RNF146: variants seen among roughly 807,000 people sequenced by gnomAD.
RNF146 encodes E3 ubiquitin-protein ligase RNF146.
Under a neutral mutation model 29.7 loss-of-function variants are expected in RNF146, and 11 were observed. The observed-to-expected ratio is 0.37, with a 90% confidence interval of 0.23 to 0.61. The LOEUF (loss-of-function observed/expected upper bound fraction) is 0.61, where lower values mean the gene tolerates loss of function less well. Among genes scored for constraint, RNF146 ranks in the 20% least tolerant of loss-of-function variants. The pLI is 0.66. For synonymous variants in RNF146, 150 were observed against 159.7 expected (o/e 0.94, Z 0.46); for missense variants, 342 against 438.9 (o/e 0.78, Z 1.97).
chr6:127,269,155 A>G (rs188226043), intron 1 of RNF146, among the ~76,000 whole-genome samples: 2 of 152,320 alleles, frequency 1.3e-5, no homozygotes, highest in African/African-American at 4.8e-5. Context: ...CTTGGCTACA[A>G]CCACCTGTGC....
At chr6:127,284,934 G>A (rs1562290140) in intron 2 of RNF146, among the ~76,000 whole-genome samples, 1 of 151,640 alleles carries the variant, frequency 6.6e-6, no homozygotes, top group Non-Finnish European at 1.5e-5. Flanking sequence ...TGTGGCCCAA[G>A]ACAATTCTTT....
At chr6:127,278,846 A>G (rs889395985) in intron 1 of RNF146, among the ~76,000 whole-genome samples, 1 of 150,838 alleles carries the variant, frequency 6.6e-6, no homozygotes, top group African/African-American at 2.5e-5. Flanking sequence ...TAGCCTCCTT[A>G]TAGATGTATC....
At chr6:127,270,554 A>T (rs377071277) in intron 1 of RNF146, among the ~76,000 whole-genome samples, 1 of 152,226 alleles carries the variant, frequency 6.6e-6, no homozygotes, top group Non-Finnish European at 1.5e-5. Flanking sequence ...GTTTCAAATA[A>T]TGTGGGAGTT....
chr6:127,269,858 CTG>C (rs753229807), intron 1 of RNF146, among the ~76,000 whole-genome samples: 3 of 152,152 alleles, frequency 2.0e-5, no homozygotes, highest in South Asian at 2.1e-4. Flanking sequence ...CTTTCTGTCA[CTG>C]AGTGATTTCA....
rs141946733 is a variant in RNF146, at chr6:127,287,387, T to C, written c.774T>C (p.Ala258=). 13 of 1,613,284 alleles carry C rather than the reference T, an allele frequency of 8.1e-6. No individual in the cohort carries two copies. Among genetic ancestry groups the C allele is most frequent in the Non-Finnish European group, 1.0e-5 (12 of 1,179,640 alleles). The change falls in exon 3 of 3, where the codon GCT becomes GCC. Residue 258 remains alanine (A), a synonymous_variant. Transcript: ENST00000368314. ...AHLQLSGDNT[A]ERSHRGEGEE... is the part of the protein sequence containing the mutation. The stretch of plus-strand genomic sequence containing the variant: ...TACAACTCAGTGGAGACAACACAGC[T>C]GAAAGGAGTCATAGGGGAGAAGGAG...
At chr6:127,281,578 G>A (rs1167863529) in intron 2 of RNF146, among the ~76,000 whole-genome samples, 1 of 151,688 alleles carries the variant, frequency 6.6e-6, no homozygotes, top group Non-Finnish European at 1.5e-5. Flanking sequence ...CAAGCCAAGG[G>A]AATGAGGAGG....
chr6:127,287,289 G>A lies in RNF146; in HGVS notation c.676G>A (p.Asp226Asn), dbSNP rs1164525127. Residue 226 changes from aspartate to asparagine, a missense_variant, in exon 3 of 3, where the codon GAT becomes AAT. Asp to Asn is a conservative substitution (Grantham distance 23). Transcript: ENST00000368314. ...TTCTGTAAGGCCCCTAACATCAGTAGATGGTCAGTTAACAAGCCCTGCAAC... is the reference window on the plus strand; with the variant it reads ...TTCTGTAAGGCCCCTAACATCAGTAAATGGTCAGTTAACAAGCCCTGCAAC... ...VSSVRPLTSV[D>N]GQLTSPATPS... 2 of 1,613,420 alleles carry A rather than the reference G, an allele frequency of 1.2e-6. No homozygotes were observed. Among genetic ancestry groups the A allele is most frequent in the Non-Finnish European group, 1.7e-6 (2 of 1,179,646 alleles).
At chr6:127,277,490 GA>G (rs1778371022) in intron 1 of RNF146, among the ~76,000 whole-genome samples, 2 of 152,066 alleles carry the variant, frequency 1.3e-5, no homozygotes, top group East Asian at 3.9e-4. Flanking sequence ...AGAACTAATA[GA>G]ATATATATAT....
chr6:127,278,153 G>A (rs918540371), intron 1 of RNF146, among the ~76,000 whole-genome samples: 9 of 152,022 alleles, frequency 5.9e-5, no homozygotes, highest in African/African-American at 2.2e-4. Flanking sequence ...GTAATATGAT[G>A]TGCGTCCTGT....
chr6:127,288,259 A>G lies in RNF146; in HGVS notation c.*566A>G, dbSNP rs1278755992. ...TTGTAACACACTTCATGGTGTTCCCATAGGCTTTGCTGTCTAGTCTTATAG... is the reference window on the plus strand; with the variant it reads ...TTGTAACACACTTCATGGTGTTCCCGTAGGCTTTGCTGTCTAGTCTTATAG... On this transcript the variant is annotated 3_prime_UTR_variant, in exon 3 of 3. Transcript: ENST00000368314. 3.0e-5 allele frequency: 5 copies of G among 166,940 alleles called. No individual in the cohort carries two copies. Among genetic ancestry groups the G allele is most frequent in the Admixed American group, 1.3e-4 (2 of 15,230 alleles). The allele number at this position is 166,940 out of a possible 1,614,324, so 10.3% of individuals were successfully genotyped here.
Position 127,287,482 on chromosome 6 carries a change from C to G in RNF146, c.869C>G (p.Ser290Ter). Residue 290 changes from serine (S) to a stop codon, truncating the protein, a stop_gained, in exon 3 of 3, where the codon TCA (serine) becomes TGA (stop). Transcript: ENST00000368314. LOFTEE classifies it high-confidence loss of function. ...GACACCTCCATTGAAGAAACTGAAT[C>G]AGATGCCAGTAGTGATAGTGAGGAT... ...APDTSIEETE[S>*]DASSDSEDVS... The G allele has an allele frequency of 6.2e-7, 1 of 1,613,384 alleles. No homozygotes were observed. The highest frequency in any genetic ancestry group is 2.2e-5 in the East Asian group (1 of 44,836).
chr6:127,271,089 C>T (rs1582859884), intron 1 of RNF146, among the ~76,000 whole-genome samples: 1 of 152,194 alleles, frequency 6.6e-6, no homozygotes, highest in Non-Finnish European at 1.5e-5. Flanking sequence ...GCTAAGATTA[C>T]AGGCGTGAGC....
At chr6:127,272,546 CCTG>C (rs1777637057) in intron 1 of RNF146, among the ~76,000 whole-genome samples, 1 of 152,146 alleles carries the variant, frequency 6.6e-6, no homozygotes, top group South Asian at 2.1e-4. Flanking sequence ...CTGTAGGATT[CCTG>C]TTTACATCTG....
chr6:127,275,552 A>T (rs1778084734), intron 1 of RNF146, among the ~76,000 whole-genome samples: 1 of 152,126 alleles, frequency 6.6e-6, no homozygotes, highest in African/African-American at 2.4e-5. Context: ...AAGATATAAA[A>T]ATCTCCCTAT....
intron 1 of RNF146, among the ~76,000 whole-genome samples, chr6:127,268,175 T>C (rs913297208): frequency 6.6e-6 from 1 of 152,214 alleles, no homozygotes. Flanking sequence ...GTTCTTTGTA[T>C]GATTGGCATT....
intron 2 of RNF146, chr6:127,285,365 A>C (rs1264008892): frequency 1.0e-6 from 1 of 983,936 alleles, no homozygotes; most frequent in Non-Finnish European, 1.2e-6. Context: ...ATTCTTGTTG[A>C]CTATATCTTT....
chr6:127,276,644 C>G (rs1778250802), intron 1 of RNF146, among the ~76,000 whole-genome samples: 1 of 151,878 alleles, frequency 6.6e-6, no homozygotes, highest in South Asian at 2.1e-4. Flanking sequence ...TGGTAGGTCC[C>G]CATGAAATTG....
chr6:127,285,250 A>C (rs896659469), intron 2 of RNF146: 5 of 985,128 alleles, frequency 5.1e-6, no homozygotes, highest in Non-Finnish European at 4.8e-6. Context: ...AGGAACCAAG[A>C]ACACAGAAAA....
rs1455835809 is a variant in RNF146, at chr6:127,288,067, A to C, written c.*374A>C. The C allele has an allele frequency of 1.2e-5, 2 of 171,498 alleles. No individual in the cohort carries two copies. Among genetic ancestry groups the C allele is most frequent in the African/African-American group, 4.8e-5 (2 of 41,698 alleles). The allele number at this position is 171,498 out of a possible 1,614,324, so 10.6% of individuals were successfully genotyped here. A position where few individuals can be genotyped will look rare whatever the true frequency, so the allele number is the denominator to read the frequency against. ...CTGCATGGATTGGCATAAGACCATT[A>C]CTAAAATTTGGCACCTGTGAGATGT... On this transcript the variant is annotated 3_prime_UTR_variant, in exon 3 of 3. Transcript: ENST00000368314.
Sources: gnomAD v4.1 joint callset for allele counts (sites outside exome capture counted in the v4.1 genomes callset) on GRCh38, gnomAD v4.1.1 for gene constraint, MANE v1.5 for transcripts, NCBI Gene and HGNC (gene_info 2026-07-23, HGNC 2026-07-21) for gene names.